Variants in DCAF8L2 observed in about 807,000 individuals in gnomAD.
The protein encoded by DCAF8L2 is DDB1 and CUL4 associated factor 8 like 2.
For synonymous variants in DCAF8L2, 200 were observed against 190.9 expected (o/e 1.05, Z -0.39); for missense variants, 430 against 490.7 (o/e 0.88, Z 1.17).
chrX:27,681,944 G>A (rs764730475), intron 3 of DCAF8L2, among the ~76,000 whole-genome samples: 20 of 111,346 alleles, frequency 1.8e-4, no homozygotes, highest in Middle Eastern at 4.6e-3. Flanking sequence ...AAACGGAGTC[G>A]CGTTTCTTGG....
chrX:27,623,574 G>T (rs1358481531), intron 1 of DCAF8L2, among the ~76,000 whole-genome samples: 1 of 110,177 alleles, frequency 9.1e-6, no homozygotes, highest in Non-Finnish European at 1.9e-5. Flanking sequence ...AAAAAAATTT[G>T]GGAAAGTTTT....
chrX:27,690,820 C>T (rs758340597), intron 3 of DCAF8L2, among the ~76,000 whole-genome samples: 2 of 111,427 alleles, frequency 1.8e-5, no homozygotes, highest in South Asian at 7.6e-4. Flanking sequence ...AAACTATTTA[C>T]AACTCAATTG....
chrX:27,543,497 T>C, the DCAF8L2 span, among the ~76,000 whole-genome samples: 1 of 111,531 alleles, frequency 9.0e-6, no homozygotes, highest in African/African-American at 3.3e-5. Context: ...AACAGTTTTT[T>C]TCTAATTCCG....
chrX:27,651,551 C>G (rs1160968648), intron 2 of DCAF8L2, among the ~76,000 whole-genome samples: 4 of 99,693 alleles, frequency 4.0e-5, no homozygotes, highest in African/African-American at 1.5e-4. Flanking sequence ...GCTCTGTCGC[C>G]CAGGCTGGAG....
At chrX:27,615,963 T>A (rs887342277) in intron 1 of DCAF8L2, among the ~76,000 whole-genome samples, 1 of 111,178 alleles carries the variant, frequency 9.0e-6, no homozygotes, top group Non-Finnish European at 1.9e-5. Flanking sequence ...ATAAGATAGA[T>A]AGATGGAAGA....
the DCAF8L2 span, among the ~76,000 whole-genome samples, chrX:27,533,224 AAGAAAGAAAGAGAAAGAAAGAAAGAAAG>A: frequency 2.4e-5 from 1 of 41,703 alleles, no homozygotes; most frequent in African/African-American, 6.4e-5. Flanking sequence ...GAAAGAAAGA[AAGAAAGAAAGAGAAAGAAAGAAAGAAAG>A]AAAGAAAGTC....
intron 4 of DCAF8L2, among the ~76,000 whole-genome samples, chrX:27,731,979 A>C (rs1472899428): frequency 9.0e-6 from 1 of 111,336 alleles, no homozygotes; most frequent in Non-Finnish European, 1.9e-5. Context: ...ACCATGATTC[A>C]AACCCCGGTC....
At chrX:27,682,854 G>A (rs1390537252) in intron 3 of DCAF8L2, among the ~76,000 whole-genome samples, 1 of 110,252 alleles carries the variant, frequency 9.1e-6, no homozygotes, top group Non-Finnish European at 1.9e-5. Context: ...AATAGTTCCT[G>A]TTAGAGCCAC....
At chrX:27,573,957 G>A in the DCAF8L2 span, among the ~76,000 whole-genome samples, 10 of 110,304 alleles carry the variant, frequency 9.1e-5, no homozygotes, top group Non-Finnish European at 1.3e-4. Context: ...AGCCTCCTGA[G>A]TAGCTGAGAC....
chrX:27,585,051 TG>T, the DCAF8L2 span, among the ~76,000 whole-genome samples: 11 of 78,863 alleles, frequency 1.4e-4, no homozygotes, highest in South Asian at 1.4e-3. Context: ...AAAACAATAT[TG>T]TTTTTTTTTT....
the DCAF8L2 span, among the ~76,000 whole-genome samples, chrX:27,547,107 A>G: frequency 8.9e-6 from 1 of 111,972 alleles, no homozygotes; most frequent in East Asian, 2.8e-4. Context: ...TCAAAGTTCC[A>G]CAGATCTCTA....
Position 27,654,702 on chromosome X carries a change from A to G in DCAF8L2, c.-220+22702A>G, listed in dbSNP as rs184923391. ...ACTTTTTTCAGTGTGTCACACTGCT[A>G]CAGAAAAAAATTTAAAATTGTTAAA... is the stretch of plus-strand genomic sequence containing the variant. On this transcript the variant is annotated intron_variant, in intron 2 of 4. Transcript: ENST00000451261. Among the ~76,000 whole-genome samples the G allele has an allele frequency of 7.8e-3, 871 of 111,871 alleles. 10 individuals are homozygous for G. The highest frequency in any genetic ancestry group is 0.026 in the African/African-American group (801 of 30,848).
the DCAF8L2 span, among the ~76,000 whole-genome samples, chrX:27,530,386 G>A: frequency 1.8e-5 from 2 of 110,731 alleles, no homozygotes; most frequent in Non-Finnish European, 3.8e-5. Flanking sequence ...TTCTATACAG[G>A]AGAACTTATT....
the DCAF8L2 span, among the ~76,000 whole-genome samples, chrX:27,580,127 G>A: frequency 9.0e-6 from 1 of 110,500 alleles, no homozygotes; most frequent in Non-Finnish European, 1.9e-5. Flanking sequence ...AGTCATGAGA[G>A]CAAAGAGTTT....
At chrX:27,741,858 C>T (rs1396510313) in intron 4 of DCAF8L2, among the ~76,000 whole-genome samples, 1 of 111,841 alleles carries the variant, frequency 8.9e-6, no homozygotes, top group Non-Finnish European at 1.9e-5. Flanking sequence ...CATAGTGTTC[C>T]CACCTAGGAA....
At chrX:27,611,541 C>G (rs1927169857) in intron 1 of DCAF8L2, among the ~76,000 whole-genome samples, 1 of 109,610 alleles carries the variant, frequency 9.1e-6, no homozygotes, top group South Asian at 4.0e-4. Flanking sequence ...TTTGCTGCGC[C>G]CATTAACTCG....
chrX:27,504,652 A>G, the DCAF8L2 span, among the ~76,000 whole-genome samples: 1 of 111,673 alleles, frequency 9.0e-6, no homozygotes, highest in African/African-American at 3.2e-5. Flanking sequence ...TACCATTGAA[A>G]GAAACCACTC....
the DCAF8L2 span, among the ~76,000 whole-genome samples, chrX:27,530,032 A>G: frequency 1.8e-5 from 2 of 111,994 alleles, no homozygotes; most frequent in African/African-American, 6.5e-5. Context: ...TGTTTTTGGA[A>G]AGAGCCTGGA....
At chrX:27,564,976 A>G in the DCAF8L2 span, among the ~76,000 whole-genome samples, 2 of 109,667 alleles carry the variant, frequency 1.8e-5, no homozygotes, top group South Asian at 4.0e-4. Context: ...ATCACTCCCA[A>G]TTGTTAAAAC....
Sources: gnomAD v4.1 joint callset for allele counts (sites outside exome capture counted in the v4.1 genomes callset) on GRCh38, gnomAD v4.1.1 for gene constraint, MANE v1.5 for transcripts, NCBI Gene and HGNC (gene_info 2026-07-23, HGNC 2026-07-21) for gene names.